CHIC2: variants seen among roughly 807,000 people sequenced by gnomAD.
CHIC2 encodes cysteine rich hydrophobic domain 2.
In CHIC2, 14 loss-of-function variants were observed where a neutral mutation model predicts 25.9. The observed-to-expected ratio is 0.54, with a 90% CI of 0.36 to 0.85. CHIC2 has a LOEUF of 0.85. CHIC2 is among the 40% of genes least tolerant of loss of function. The probability of loss-of-function intolerance (pLI) is 0.01; values close to 1 mark genes in which losing one functional copy is unlikely to be tolerated. For missense variants in CHIC2, 146 were observed against 202.0 expected (o/e 0.72, Z 1.68); for synonymous variants, 70 against 72.0 (o/e 0.97, Z 0.14).
At chr4:54,088,292 C>T in the CHIC2 span, among the ~76,000 whole-genome samples, 1 of 151,858 alleles carries the variant, frequency 6.6e-6, no homozygotes, top group African/African-American at 2.4e-5. Flanking sequence ...GAAGGGTGGT[C>T]GTTTGTTTCA....
upstream of CHIC2, among the ~76,000 whole-genome samples, chr4:54,066,598 A>G (rs1300792663): frequency 6.7e-6 from 1 of 150,238 alleles, no homozygotes; most frequent in African/African-American, 2.5e-5. Context: ...AATTGAGTAT[A>G]CTGGTGGTCC....
chr4:54,017,556 G>A (rs559127672), intron 3 of CHIC2, among the ~76,000 whole-genome samples: 1 of 152,156 alleles, frequency 6.6e-6, no homozygotes, highest in Non-Finnish European at 1.5e-5. Context: ...TCACACCCTG[G>A]GGGTGAGGGG....
chr4:54,077,337 G>A, the CHIC2 span, among the ~76,000 whole-genome samples: 2 of 152,116 alleles, frequency 1.3e-5, no homozygotes, highest in African/African-American at 2.4e-5. Context: ...CACCGTCAAA[G>A]CCTTGTAGAA....
At chr4:54,089,267 T>G in the CHIC2 span, among the ~76,000 whole-genome samples, 1 of 152,126 alleles carries the variant, frequency 6.6e-6, no homozygotes, top group Admixed American at 6.5e-5. Flanking sequence ...TTTTTTTCCT[T>G]GGGAAAACAT....
intron 3 of CHIC2, among the ~76,000 whole-genome samples, chr4:54,040,797 G>A (rs1716551808): frequency 6.7e-6 from 1 of 148,884 alleles, no homozygotes; most frequent in Non-Finnish European, 1.5e-5. Context: ...AGAATTGCTT[G>A]AACCTGGGAG....
At chr4:54,090,526 G>A in the CHIC2 span, among the ~76,000 whole-genome samples, 7 of 152,020 alleles carry the variant, frequency 4.6e-5, no homozygotes, top group Non-Finnish European at 8.8e-5. Context: ...AAATTTTGTA[G>A]CTCACAAACG....
chr4:54,042,417 A>G (rs1716606660), intron 3 of CHIC2, among the ~76,000 whole-genome samples: 1 of 152,224 alleles, frequency 6.6e-6, no homozygotes, highest in Admixed American at 6.5e-5. Context: ...AGTTGATATG[A>G]ATGCAAAGTT....
upstream of CHIC2, chr4:54,064,647 A>G: frequency 9.4e-7 from 1 of 1,065,184 alleles, no homozygotes; most frequent in Non-Finnish European, 1.1e-6. This position sits in a 1 kb window ranked among gnomAD's most constrained non-coding sequence, Gnocchi z 4.2. Context: ...GCAGCCGGCT[A>G]CGGCATCGCG....
rs1042493398 is a variant in CHIC2 at position 54,010,148 on chromosome 4, G to A, written c.448-3C>T. Reference sequence around the variant, plus strand: ...GGTAAAAATTCTATGAGGATGACCTGTAAAAGGAGAAGAAAAAGGTTTTAA... The same window carrying A: ...GGTAAAAATTCTATGAGGATGACCTATAAAAGGAGAAGAAAAAGGTTTTAA... On this transcript the variant is annotated splice_polypyrimidine_tract_variant and splice_region_variant and intron_variant, in intron 5 of 5. Transcript: ENST00000263921. 1 of 1,600,344 alleles carries A rather than the reference G, an allele frequency of 6.2e-7. No individual in the cohort carries two copies. Among genetic ancestry groups the A allele is most frequent in the Non-Finnish European group, 8.6e-7 (1 of 1,169,174 alleles).
chr4:54,025,892 A>G (rs2110067506), intron 3 of CHIC2, among the ~76,000 whole-genome samples: 1 of 152,144 alleles, frequency 6.6e-6, no homozygotes, highest in Admixed American at 6.5e-5. Context: ...TTAAAAAACA[A>G]GAAGAAAGGG....
chr4:54,017,488 G>A (rs1365354334), intron 3 of CHIC2, among the ~76,000 whole-genome samples: 1 of 152,080 alleles, frequency 6.6e-6, no homozygotes, highest in Non-Finnish European at 1.5e-5. Context: ...ACAGGGGAAG[G>A]GGCAGTGCAG....
intron 3 of CHIC2, among the ~76,000 whole-genome samples, chr4:54,036,028 TTTTAA>T (rs1435676317): frequency 6.6e-6 from 1 of 152,246 alleles, no homozygotes; most frequent in Non-Finnish European, 1.5e-5. Flanking sequence ...ATTTACTGAT[TTTTAA>T]TTTAATTTTA....
chr4:54,083,471 GA>G, the CHIC2 span, among the ~76,000 whole-genome samples: 4 of 151,984 alleles, frequency 2.6e-5, no homozygotes, highest in Admixed American at 1.3e-4. Flanking sequence ...AGTCTCATCT[GA>G]AACAACAAAA....
intron 3 of CHIC2, among the ~76,000 whole-genome samples, chr4:54,016,722 T>C (rs1715748314): frequency 6.6e-6 from 1 of 151,852 alleles, no homozygotes; most frequent in Non-Finnish European, 1.5e-5. Context: ...GCACTTGACA[T>C]CTCAATGATT....
chr4:54,010,049 T>A lies in CHIC2; in HGVS notation c.*46A>T. ...CAGGAGAGCACCAAGCAAGGCACCA[T>A]TGGAAAGACAACATACTTGGAAAGT... On this transcript the variant is annotated 3_prime_UTR_variant, in exon 6 of 6. Coordinates refer to ENST00000263921, the MANE Select transcript of CHIC2 (RefSeq NM_012110.4). The A allele has an allele frequency of 7.4e-7, 1 of 1,356,410 alleles. No individual in the cohort carries two copies. The highest frequency in any genetic ancestry group is 1.4e-5 in the African/African-American group (1 of 69,178). 84.0% of individuals were successfully genotyped at this position (1,356,410 alleles called of 1,614,324 possible).
the CHIC2 span, among the ~76,000 whole-genome samples, chr4:54,085,976 T>C: frequency 6.6e-6 from 1 of 152,052 alleles, no homozygotes; most frequent in Non-Finnish European, 1.5e-5. Context: ...CCTATCTAGC[T>C]TAAATAATTG....
chr4:54,045,102 G>A (rs1310062597), intron 3 of CHIC2, among the ~76,000 whole-genome samples: 7 of 152,152 alleles, frequency 4.6e-5, no homozygotes, highest in Non-Finnish European at 7.3e-5. Flanking sequence ...AAACCAGGAA[G>A]AAGTTGAATG....
chr4:54,043,933 G>A (rs183837078), intron 3 of CHIC2, among the ~76,000 whole-genome samples: 1 of 152,112 alleles, frequency 6.6e-6, no homozygotes, highest in South Asian at 2.1e-4. Flanking sequence ...GACACATATA[G>A]GCTCAAAATA....
chr4:54,078,038 A>G, the CHIC2 span, among the ~76,000 whole-genome samples: 1 of 152,228 alleles, frequency 6.6e-6, no homozygotes, highest in African/African-American at 2.4e-5. Flanking sequence ...AATTTTTTTG[A>G]TGATAATCTC....
Sources: gnomAD v4.1 joint callset for allele counts (sites outside exome capture counted in the v4.1 genomes callset) on GRCh38, gnomAD v4.1.1 for gene constraint, Gnocchi (gnomAD v3.1) non-coding constraint, MANE v1.5 for transcripts, NCBI Gene and HGNC (gene_info 2026-07-23, HGNC 2026-07-21) for gene names.